Variants in GALNT13 observed in about 807,000 individuals in gnomAD.
GALNT13 encodes the protein UDP-GalNAc:polypeptide N-acetylgalactosaminyltransferase 13.
A neutral mutation model predicts 64.2 loss-of-function variants in GALNT13; 28 were observed. That is an observed-to-expected ratio of 0.44 (90% CI 0.32 to 0.60). GALNT13 has a LOEUF of 0.60. GALNT13 is among the 20% of genes least tolerant of loss of function. The pLI is 0.05. For synonymous variants in GALNT13, 214 were observed against 224.6 expected, an observed-to-expected ratio of 0.95 and a Z score of 0.42; for missense variants, 577 against 669.8, an observed-to-expected ratio of 0.86 and a Z score of 1.53.
the GALNT13 span, among the ~76,000 whole-genome samples, chr2:153,415,640 A>G: frequency 6.6e-6 from 1 of 152,334 alleles, no homozygotes; most frequent in Admixed American, 6.5e-5. Flanking sequence ...AACAATGTTC[A>G]CCATATGAAA....
chr2:154,254,562 A>G (rs1484974509), intron 7 of GALNT13, among the ~76,000 whole-genome samples: 1 of 152,178 alleles, frequency 6.6e-6, no homozygotes, highest in Non-Finnish European at 1.5e-5. Flanking sequence ...ATGATAACAG[A>G]GATGAGTCAA....
chr2:154,206,668 G>A (rs1687474516), intron 4 of GALNT13, among the ~76,000 whole-genome samples: 1 of 151,750 alleles, frequency 6.6e-6, no homozygotes, highest in African/African-American at 2.4e-5. Flanking sequence ...GTGGTGGTGG[G>A]TGCCTGTAAT....
At chr2:154,283,577 CAAA>C (rs5741595) in intron 8 of GALNT13, among the ~76,000 whole-genome samples, 9 of 131,132 alleles carry the variant, frequency 6.9e-5, no homozygotes, top group Non-Finnish European at 3.3e-5. Context: ...GACTCCGTCT[CAAA>C]AAAAAAAAAA....
At chr2:154,340,979 T>C (rs1423281819) in intron 9 of GALNT13, among the ~76,000 whole-genome samples, 1 of 152,074 alleles carries the variant, frequency 6.6e-6, no homozygotes, top group Non-Finnish European at 1.5e-5. Flanking sequence ...TGTGTACATT[T>C]ATGCATATAT....
the GALNT13 span, among the ~76,000 whole-genome samples, chr2:153,780,178 C>T: frequency 6.9e-6 from 1 of 145,472 alleles, no homozygotes; most frequent in Non-Finnish European, 1.5e-5. Flanking sequence ...TCATCCCATC[C>T]TAGGTAACAT....
chr2:154,388,341 G>C (rs1027638501), intron 9 of GALNT13, among the ~76,000 whole-genome samples: 7 of 152,202 alleles, frequency 4.6e-5, no homozygotes, highest in Admixed American at 3.9e-4. Flanking sequence ...ACATTTGTAG[G>C]CTTTCTCTTC....
At chr2:153,573,990 T>G in the GALNT13 span, among the ~76,000 whole-genome samples, 1 of 152,172 alleles carries the variant, frequency 6.6e-6, no homozygotes, top group East Asian at 1.9e-4. Context: ...TCTGTCTGAT[T>G]AAAGTACTCC....
At chr2:153,928,466 A>G (rs1377902153) in intron 2 of GALNT13, among the ~76,000 whole-genome samples, 1 of 152,112 alleles carries the variant, frequency 6.6e-6, no homozygotes, top group Non-Finnish European at 1.5e-5. Context: ...TAAATGCTCT[A>G]GTGTTGTTTT....
intron 3 of GALNT13, among the ~76,000 whole-genome samples, chr2:154,025,179 C>G (rs1215765402): frequency 6.6e-6 from 1 of 152,144 alleles, no homozygotes; most frequent in African/African-American, 2.4e-5. Context: ...ATTCTCAGAT[C>G]TCAAGCTGCA....
chr2:153,330,845 T>G, the GALNT13 span, among the ~76,000 whole-genome samples: 6 of 152,204 alleles, frequency 3.9e-5, no homozygotes, highest in Non-Finnish European at 8.8e-5. Flanking sequence ...TGGGCATTCT[T>G]GTCTTCTTCC....
At chr2:153,763,125 G>A in the GALNT13 span, among the ~76,000 whole-genome samples, 1 of 151,832 alleles carries the variant, frequency 6.6e-6, no homozygotes, top group Admixed American at 6.6e-5. Context: ...TTGTTTTGAT[G>A]TATTTTTATT....
chr2:153,731,245 A>G, the GALNT13 span, among the ~76,000 whole-genome samples: 5 of 151,876 alleles, frequency 3.3e-5, no homozygotes, highest in South Asian at 8.3e-4. Flanking sequence ...CCCAAATACA[A>G]TAACTCAGAA....
intron 4 of GALNT13, among the ~76,000 whole-genome samples, chr2:154,237,991 A>G (rs1164635331): frequency 1.3e-5 from 2 of 152,032 alleles, no homozygotes; most frequent in African/African-American, 2.4e-5. Flanking sequence ...ACTGATTTAT[A>G]TGGCTTTTTT....
At chr2:153,819,455 G>C in the GALNT13 span, among the ~76,000 whole-genome samples, 1 of 152,154 alleles carries the variant, frequency 6.6e-6, no homozygotes, top group Non-Finnish European at 1.5e-5. Context: ...CTCCCACACA[G>C]AGACTTCAGT....
chr2:153,182,123 A>G, the GALNT13 span, among the ~76,000 whole-genome samples: 1 of 151,442 alleles, frequency 6.6e-6, no homozygotes, highest in Non-Finnish European at 1.5e-5. Context: ...AGCTCACTGC[A>G]AGCTCTGCCT....
At chr2:153,997,265 T>C (rs1450344189) in intron 3 of GALNT13, among the ~76,000 whole-genome samples, 1 of 152,164 alleles carries the variant, frequency 6.6e-6, no homozygotes, top group Non-Finnish European at 1.5e-5. Context: ...TTGGATAATA[T>C]GGACATTTTA....
chr2:153,431,879 C>T, the GALNT13 span, among the ~76,000 whole-genome samples: 1 of 152,300 alleles, frequency 6.6e-6, no homozygotes, highest in Non-Finnish European at 1.5e-5. Flanking sequence ...AGAAGACAAT[C>T]ACATTATATT....
the GALNT13 span, among the ~76,000 whole-genome samples, chr2:153,179,114 G>C: frequency 1.3e-5 from 2 of 152,100 alleles, no homozygotes; most frequent in Admixed American, 6.6e-5. Context: ...TCATTGCCCA[G>C]ACCAATGTCA....
chr2:153,101,158 T>C, the GALNT13 span, among the ~76,000 whole-genome samples: 2 of 152,238 alleles, frequency 1.3e-5, no homozygotes, highest in African/African-American at 4.8e-5. Context: ...AATACTCTAT[T>C]ATAGGTTCAT....
Sources: gnomAD v4.1 joint callset for allele counts (sites outside exome capture counted in the v4.1 genomes callset) on GRCh38, gnomAD v4.1.1 for gene constraint, MANE v1.5 for transcripts, NCBI Gene and HGNC (gene_info 2026-07-23, HGNC 2026-07-21) for gene names.